NPRL3: variants seen among roughly 807,000 people sequenced by gnomAD.
NPRL3 encodes the protein GATOR1 complex protein NPRL3.
A neutral mutation model predicts 57.2 loss-of-function variants in NPRL3; 23 were observed. The observed-to-expected ratio is 0.40, with a 90% CI of 0.29 to 0.57. The LOEUF is 0.57. Among genes scored for constraint, NPRL3 ranks in the 20% least tolerant of loss-of-function variants. NPRL3 has a pLI of 0.42. For synonymous variants in NPRL3, 333 were observed against 321.1 expected (o/e 1.04, Z -0.39); for missense variants, 691 against 767.1 (o/e 0.90, Z 1.17).
intron 9 of NPRL3, among the ~76,000 whole-genome samples, chr16:95,350 T>TATATATATACAC (rs1223611120): frequency 9.9e-5 from 11 of 110,982 alleles, no homozygotes; most frequent in African/African-American, 3.7e-4. Flanking sequence ...TATATATATA[T>TATATATATACAC]ACACACACAC....
intron 8 of NPRL3, 70 bp from the exon 9 acceptor site, chr16:98,371 T>G: frequency 6.6e-7 from 1 of 1,515,004 alleles, no homozygotes; most frequent in Non-Finnish European, 8.9e-7. Flanking sequence ...CACCAGGTCC[T>G]GCACCAGGTA....
chr16:102,743 G>A (rs370272228), intron 7 of NPRL3, among the ~76,000 whole-genome samples: 2 of 152,156 alleles, frequency 1.3e-5, no homozygotes, highest in South Asian at 2.1e-4. Flanking sequence ...ACGGCCCCTC[G>A]GACGTCTCTT....
chr16:118,898 G>A (rs1900159957), intron 4 of NPRL3, among the ~76,000 whole-genome samples: 2 of 150,608 alleles, frequency 1.3e-5, no homozygotes, highest in Admixed American at 6.6e-5. Context: ...TGCCCAGGGG[G>A]AGCCACACCT....
In NPRL3 at chr16:98,311, A is replaced by C. The variant is rs566886246; in HGVS notation, c.768-10T>G. 384 of 1,609,842 alleles carry C rather than the reference A, an allele frequency of 2.4e-4. 6 individuals carry two copies. In the South Asian group the frequency reaches 4.0e-3, roughly 17 times the overall value. On this transcript the variant is annotated splice_polypyrimidine_tract_variant and intron_variant, in intron 8 of 13. Coordinates refer to ENST00000611875, the MANE Select transcript of NPRL3 (RefSeq NM_001077350.3). Reference sequence around the variant, plus strand: ...CAGGGCATGGTAGGGGCTGCAAAACAATCACCTGTCACGGAACACACGAAG... The same window carrying C: ...CAGGGCATGGTAGGGGCTGCAAAACCATCACCTGTCACGGAACACACGAAG...
rs935426407 is a variant in NPRL3 at position 119,425 on chromosome 16, G to C, written c.189-170C>G. On this transcript the variant is annotated intron_variant, in intron 3 of 13. Coordinates refer to ENST00000611875, the MANE Select transcript of NPRL3 (RefSeq NM_001077350.3). ...GTTGCCCTTCTGTAGCAATCCCAGA[G>C]GTTATGGATGTAAGATCACCAGAAT... The C allele has an allele frequency of 3.6e-5, 23 of 636,626 alleles. No individual in the cohort carries two copies. The East Asian group carries it at 4.7e-4, about 13-fold the overall frequency. 39.4% of individuals were successfully genotyped at this position (636,626 alleles called of 1,614,324 possible).
At chr16:117,787 C>T (rs555673703) in intron 4 of NPRL3, among the ~76,000 whole-genome samples, 3 of 152,246 alleles carry the variant, frequency 2.0e-5, no homozygotes, top group Non-Finnish European at 2.9e-5. Flanking sequence ...AAGCCCTGAG[C>T]AGGGCCCAGG....
At chr16:112,558 TC>T in intron 6 of NPRL3, 63 bp downstream of exon 6, 1 of 1,383,496 alleles carries the variant, frequency 7.2e-7, no homozygotes, top group South Asian at 1.7e-5. Flanking sequence ...TCCACAGAGG[TC>T]TGCGCTGCAG....
At chr16:92,087 G>C (rs1233437997) in intron 11 of NPRL3, among the ~76,000 whole-genome samples, 4 of 152,146 alleles carry the variant, frequency 2.6e-5, no homozygotes, top group Non-Finnish European at 5.9e-5. Context: ...AGGCTCTCTT[G>C]AATGAGGAGA....
chr16:125,929 A>G (rs542427285), intron 3 of NPRL3: 1 of 152,384 alleles, frequency 6.6e-6, no homozygotes, highest in South Asian at 2.1e-4. Flanking sequence ...GAGGACCTGT[A>G]TGTTGTGAGC....
chr16:87,107 C>G (rs930437841), intron 13 of NPRL3, among the ~76,000 whole-genome samples: 1 of 152,220 alleles, frequency 6.6e-6, no homozygotes, highest in African/African-American at 2.4e-5. Context: ...GGACGGCAGA[C>G]GGCTGTTCAA....
At chr16:88,940 G>A (rs754306759) in intron 12 of NPRL3, 50 bp from the exon 13 acceptor site, 6 of 1,558,574 alleles carry the variant, frequency 3.8e-6, no homozygotes, top group Non-Finnish European at 5.3e-6. Flanking sequence ...AGGACACCCA[G>A]GGGAACAGCG....
intron 7 of NPRL3, among the ~76,000 whole-genome samples, chr16:100,997 A>AAAAAAG (rs1899276446): frequency 6.8e-6 from 1 of 146,594 alleles, no homozygotes; most frequent in Admixed American, 6.8e-5. Flanking sequence ...AAAAGGAAGA[A>AAAAAAG]GAAGAAGAAA....
At chr16:102,614 C>T (rs1266422140) in intron 7 of NPRL3, among the ~76,000 whole-genome samples, 2 of 152,212 alleles carry the variant, frequency 1.3e-5, no homozygotes, top group Non-Finnish European at 2.9e-5. Flanking sequence ...TCCCATCACC[C>T]CCTGACCCTA....
intron 7 of NPRL3, among the ~76,000 whole-genome samples, chr16:103,852 C>T (rs1283841144): frequency 1.3e-5 from 2 of 152,164 alleles, no homozygotes; most frequent in Non-Finnish European, 2.9e-5. Context: ...CCGTGGCTCA[C>T]ACCTGTAATC....
At chr16:135,425 A>G (rs1237552752) in intron 2 of NPRL3, among the ~76,000 whole-genome samples, 3 of 152,180 alleles carry the variant, frequency 2.0e-5, no homozygotes, top group African/African-American at 7.2e-5. Flanking sequence ...CCTGGCTGAT[A>G]TGGTGAAACC....
At chr16:127,873 T>C (rs1381694476) in intron 3 of NPRL3, among the ~76,000 whole-genome samples, 1 of 151,928 alleles carries the variant, frequency 6.6e-6, no homozygotes, top group Non-Finnish European at 1.5e-5. Context: ...CCAGGATGAG[T>C]CTCGATCTCC....
At chr16:109,249 G>A (rs758651959) in intron 7 of NPRL3, among the ~76,000 whole-genome samples, 2 of 152,208 alleles carry the variant, frequency 1.3e-5, no homozygotes, top group South Asian at 2.1e-4. Flanking sequence ...TTACAGGCGT[G>A]AGTCACCACG....
chr16:100,754 G>A (rs1899251484), intron 7 of NPRL3, among the ~76,000 whole-genome samples: 2 of 123,394 alleles, frequency 1.6e-5, no homozygotes, highest in African/African-American at 6.5e-5. Flanking sequence ...CGGATCACGA[G>A]GTCAGCAGTT....
intron 2 of NPRL3, among the ~76,000 whole-genome samples, chr16:136,066 T>C (rs1251424109): frequency 6.6e-6 from 1 of 152,202 alleles, no homozygotes; most frequent in African/African-American, 2.4e-5. Context: ...TCTAACCTAT[T>C]AAAAATAAAT....
Sources: allele counts gnomAD v4.1 joint callset (sites outside exome capture counted in the v4.1 genomes callset), GRCh38; gene constraint gnomAD v4.1.1; transcripts MANE v1.5; gene names NCBI Gene and HGNC (gene_info 2026-07-23, HGNC 2026-07-21).